DNAH5: variants seen among roughly 807,000 people sequenced by gnomAD.
The protein encoded by DNAH5 is dynein axonemal heavy chain 5.
In DNAH5, 372 loss-of-function variants were observed where a neutral mutation model predicts 518.2. The observed-to-expected ratio is 0.72, with a 90% confidence interval of 0.66 to 0.78. The LOEUF is 0.78. Among genes scored for constraint, DNAH5 ranks in the 30% least tolerant of loss-of-function variants. DNAH5 has a pLI of 0.00. For missense variants in DNAH5, 5,523 were observed against 5,687.0 expected (o/e 0.97, Z 0.93); for synonymous variants, 2,039 against 2,025.9 (o/e 1.01, Z -0.17).
chr5:13,862,583 G>A lies in DNAH5; in HGVS notation c.4761C>T (p.Asp1587=), dbSNP rs571999271. Reference sequence around the variant, plus strand: ...GTAGGGATCCCAGCAACATCAAGCTGTCCTCCATGTTGGCGATGATTTCCG... The same window carrying A: ...GTAGGGATCCCAGCAACATCAAGCTATCCTCCATGTTGGCGATGATTTCCG... ...STSEIIANME[D]SLMLLGSLLS... Residue 1587 remains aspartate (D), a synonymous_variant, in exon 29 of 79, where the codon GAC becomes GAT. Coordinates refer to ENST00000265104, the MANE Select transcript of DNAH5 (RefSeq NM_001369.3). 1.2e-6 allele frequency: 2 copies of A among 1,613,952 alleles called. No individual in the cohort carries two copies. The highest frequency in any genetic ancestry group is 1.7e-6 in the Non-Finnish European group (2 of 1,179,926).
intron 43 of DNAH5, among the ~76,000 whole-genome samples, chr5:13,813,926 A>G (rs1214114621): frequency 2.0e-5 from 3 of 152,224 alleles, no homozygotes; most frequent in Non-Finnish European, 2.9e-5. Flanking sequence ...AAAATATTCA[A>G]TATAACCAAC....
rs543738890 is a variant in DNAH5 at position 13,718,955 on chromosome 5, G to A, written c.12426C>T (p.Leu4142=). Residue 4142 remains leucine, a synonymous_variant, in exon 72 of 79, where the codon CTC becomes CTT. Coordinates refer to ENST00000265104, the MANE Select transcript of DNAH5 (RefSeq NM_001369.3). Reference sequence around the variant, plus strand: ...TGGCAAATTTAATGGACATCTGAAGGAGTGTAATGGGAAACTGCTTATGAG... The same window carrying A: ...TGGCAAATTTAATGGACATCTGAAGAAGTGTAATGGGAAACTGCTTATGAG... ...TEAHKQFPIT[L]LQMSIKFAND... 2.5e-6 allele frequency: 4 copies of A among 1,614,150 alleles called. No homozygotes were observed. In the Admixed American group the frequency reaches 5.0e-5, roughly 20 times the overall value.
intron 58 of DNAH5, among the ~76,000 whole-genome samples, chr5:13,766,837 C>T (rs1248271024): frequency 6.6e-6 from 1 of 152,138 alleles, no homozygotes; most frequent in Non-Finnish European, 1.5e-5. Flanking sequence ...ACTGCTCAAT[C>T]ACCTAAAACT....
chr5:13,830,415 C>CA (rs34068157), intron 36 of DNAH5, among the ~76,000 whole-genome samples, 182 bp downstream of exon 36: 2 of 151,504 alleles, frequency 1.3e-5, no homozygotes, highest in East Asian at 1.9e-4. Flanking sequence ...AAAGGAATAT[C>CA]AAAAAAAAGT....
chr5:13,921,473 T>A (rs371531569), intron 5 of DNAH5, among the ~76,000 whole-genome samples: 11 of 57,746 alleles, frequency 1.9e-4, no homozygotes, highest in African/African-American at 7.2e-4. Context: ...TCTATCTCTC[T>A]CTCACACACA....
At chr5:13,716,917 T>C (rs961867947) in intron 73 of DNAH5, among the ~76,000 whole-genome samples, 4 of 152,210 alleles carry the variant, frequency 2.6e-5, no homozygotes, top group Non-Finnish European at 4.4e-5. Flanking sequence ...TCGTATGTTT[T>C]CATACTTCAA....
chr5:13,910,976 G>T (rs1294997469), intron 12 of DNAH5, among the ~76,000 whole-genome samples: 1 of 152,330 alleles, frequency 6.6e-6, no homozygotes, highest in Non-Finnish European at 1.5e-5. Context: ...CCGTTTCTAA[G>T]GCCAGTGGCA....
intron 28 of DNAH5, 127 bp downstream of exon 28, chr5:13,864,270 G>A: frequency 7.9e-7 from 1 of 1,273,332 alleles, no homozygotes; most frequent in Non-Finnish European, 1.1e-6. Flanking sequence ...AGGAACTAGT[G>A]GCTGAATGCC....
intron 1 of DNAH5, among the ~76,000 whole-genome samples, chr5:13,971,714 T>C (rs1357393373): frequency 6.6e-6 from 1 of 152,090 alleles, no homozygotes; most frequent in Non-Finnish European, 1.5e-5. Context: ...GGGTCCTTGA[T>C]GGTAGTTTTG....
At chr5:13,938,397 TGAGA>T (rs1048785062) in intron 1 of DNAH5, among the ~76,000 whole-genome samples, 21 of 152,154 alleles carry the variant, frequency 1.4e-4, no homozygotes, top group African/African-American at 4.1e-4. Context: ...TAAGATATTT[TGAGA>T]GAGAAAGACC....
At position 13,904,011 on chromosome 5, in the gene DNAH5, A is replaced by G. The variant is rs531894039; in HGVS notation, c.1645-1873T>C. On this transcript the variant is annotated intron_variant, in intron 12 of 78. Coordinates refer to ENST00000265104, the MANE Select transcript of DNAH5 (RefSeq NM_001369.3). ...GTTTGAAAAGTTTAGCAGCAAAGGT[A>G]AAACTAAAATTCAAGACAACCATAG... Among the ~76,000 whole-genome samples, 13 of 152,258 alleles carry G rather than the reference A, an allele frequency of 8.5e-5. No individual in the cohort carries two copies. In the South Asian group the frequency reaches 2.7e-3, roughly 32 times the overall value.
rs772669702 is a variant in DNAH5, at chr5:13,788,894, C to T, written c.8469G>A (p.Lys2823=). The change falls in exon 51 of 79, where the codon AAG becomes AAA. Residue 2823 remains lysine, a synonymous_variant. Transcript: ENST00000265104. ...CAGCTATAACACGTTTACACTCATG[C>T]TTCCACAGCTTTAACAGATCCTGTT... ...KEPNDLLKLW[K]HECKRVIADR... The T allele has an allele frequency of 6.2e-7, 1 of 1,614,090 alleles. No homozygotes were observed. Among genetic ancestry groups the T allele is most frequent in the East Asian group, 2.2e-5 (1 of 44,870 alleles).
intron 4 of DNAH5, 63 bp from the exon 5 acceptor site, chr5:13,922,391 A>G: frequency 6.9e-7 from 1 of 1,440,762 alleles, no homozygotes; most frequent in Non-Finnish European, 9.6e-7. Flanking sequence ...ACAACTACTA[A>G]GTCATTTCTT....
intron 30 of DNAH5, among the ~76,000 whole-genome samples, chr5:13,851,935 C>T (rs369091993): frequency 1.9e-4 from 29 of 151,928 alleles, no homozygotes; most frequent in African/African-American, 5.3e-4. Context: ...CAAGTAGAAG[C>T]GGGGTGGGGC....
intron 76 of DNAH5, 73 bp from the exon 77 acceptor site, chr5:13,701,509 A>T: frequency 1.9e-5 from 2 of 104,634 alleles, no homozygotes; most frequent in Non-Finnish European, 3.3e-5. Context: ...ATGTTCACTG[A>T]AAAAAAAAAA....
At chr5:13,976,589 C>A (rs11133775) in intron 1 of DNAH5, among the ~76,000 whole-genome samples, 1,840 of 151,928 alleles carry the variant, frequency 0.012, 36 homozygotes, top group African/African-American at 0.042. Context: ...GTAATTGTTC[C>A]ATTTTATACT....
chr5:13,864,640 G>A lies in DNAH5; in HGVS notation c.4356-3C>T, dbSNP rs958100028. Reference sequence around the variant, plus strand: ...AGGCCCGGGGAAGCTTTCGACATCTGTGAAGGGACACCAACATGAAAGGCC... The same window carrying A: ...AGGCCCGGGGAAGCTTTCGACATCTATGAAGGGACACCAACATGAAAGGCC... On this transcript the variant is annotated splice_region_variant and splice_polypyrimidine_tract_variant and intron_variant, in intron 27 of 78. Transcript: ENST00000265104. 1.9e-6 allele frequency: 3 copies of A among 1,614,008 alleles called. No homozygotes were observed. The highest frequency in any genetic ancestry group is 2.5e-6 in the Non-Finnish European group (3 of 1,179,986).
chr5:13,972,968 A>C (rs1476128826), intron 1 of DNAH5, among the ~76,000 whole-genome samples: 2 of 152,196 alleles, frequency 1.3e-5, no homozygotes, highest in Non-Finnish European at 2.9e-5. Flanking sequence ...GTTTTTCAAA[A>C]TGTCCATTTC....
In DNAH5 at chr5:13,817,583, G is replaced by A. The variant is rs1761610559; in HGVS notation, c.6953C>T (p.Ser2318Phe). ...ATNDWTDGIF[S>F]TLWRKTLRAK... ...TCTTAATGTTTTCCTCCAAAGCGTA[G>A]AAAATATCCCATCAGTCCAGTCATT... The change falls in exon 42 of 79, where the codon TCT becomes TTT. Residue 2318 changes from serine (S) to phenylalanine (F), a missense_variant. By Grantham distance (155) the Ser-to-Phe change is radical. Around this residue, in one of 3 missense-constraint regions of DNAH5, gnomAD observed 5,121 missense variants for 5,223.3 expected, o/e 0.98. Coordinates refer to ENST00000265104, the MANE Select transcript of DNAH5 (RefSeq NM_001369.3). The A allele has an allele frequency of 1.2e-6, 2 of 1,614,160 alleles. No homozygotes were observed. The highest frequency in any genetic ancestry group is 1.7e-6 in the Non-Finnish European group (2 of 1,180,016).
Sources: gnomAD v4.1 joint callset for allele counts (sites outside exome capture counted in the v4.1 genomes callset) on GRCh38, gnomAD v4.1.1 for gene constraint, gnomAD v4.1.1 regional missense constraint, MANE v1.5 for transcripts, NCBI Gene and HGNC (gene_info 2026-07-23, HGNC 2026-07-21) for gene names.